RAP1B: variants seen among roughly 807,000 people sequenced by gnomAD.
RAP1B encodes RAP1B, member of RAS oncogene family.
Under a neutral mutation model 27.5 loss-of-function variants are expected in RAP1B, and 1 was observed. That is an observed-to-expected ratio of 0.04 (90% CI 0.01 to 0.17). RAP1B has a LOEUF of 0.17. Ranked by LOEUF, RAP1B falls within the 10% of genes least tolerant of loss-of-function variation. The pLI, the probability that RAP1B is intolerant of heterozygous loss-of-function variation, is 1.00. For missense variants in RAP1B, 84 were observed against 214.8 expected, an observed-to-expected ratio of 0.39 and a Z score of 3.81; for synonymous variants, 75 against 73.1, an observed-to-expected ratio of 1.03 and a Z score of -0.13.
At position 68,611,059 on chromosome 12, in the gene RAP1B, G is replaced by C; in HGVS notation, c.-27+16G>C. 1 of 276,714 alleles carries C rather than the reference G, an allele frequency of 3.6e-6. No homozygotes were observed. Among genetic ancestry groups the C allele is most frequent in the East Asian group, 5.5e-5 (1 of 18,344 alleles). 17.1% of individuals were successfully genotyped at this position (276,714 alleles called of 1,614,324 possible). A position where few individuals can be genotyped will look rare whatever the true frequency, so the allele number is the denominator to read the frequency against. On this transcript the variant is annotated intron_variant, in intron 1 of 7. Coordinates refer to ENST00000250559, the MANE Select transcript of RAP1B (RefSeq NM_001010942.3). ...AGCGTGAGAGGTTCGCAGAGTGAGT[G>C]CGTGGCCGCTGAGGGAAGCCGCGGC... is the stretch of plus-strand genomic sequence containing the variant.
chr12:68,643,025 C>T (rs1398140741), intron 1 of RAP1B: 17 of 758,146 alleles, frequency 2.2e-5, no homozygotes, highest in Non-Finnish European at 3.6e-5. Flanking sequence ...TGGCTGCCCA[C>T]GGTCCACTGC....
rs904568158 is a variant in RAP1B, at chr12:68,662,375, C to G, written c.*3126C>G. 1 of 152,014 alleles carries G rather than the reference C, an allele frequency of 6.6e-6. No homozygotes were observed. The highest frequency in any genetic ancestry group is 6.6e-5 in the Admixed American group (1 of 15,252). 9.4% of individuals were successfully genotyped at this position (152,014 alleles called of 1,614,324 possible). A position where few individuals can be genotyped will look rare whatever the true frequency, so the allele number is the denominator to read the frequency against. On this transcript the variant is annotated 3_prime_UTR_variant, in exon 8 of 8. Coordinates refer to ENST00000250559, the MANE Select transcript of RAP1B (RefSeq NM_001010942.3). ...CATTTTTCTAAAAAGTGTAAAAACC[C>G]TGTATTGACTTTCTTGTTGATTCAG... is the stretch of plus-strand genomic sequence containing the variant.
chr12:68,639,829 TC>T (rs1872872414), intron 1 of RAP1B, among the ~76,000 whole-genome samples: 1 of 151,826 alleles, frequency 6.6e-6, no homozygotes, highest in Non-Finnish European at 1.5e-5. Context: ...AATTAGCATG[TC>T]ACCCCACCAA....
At position 68,622,736 on chromosome 12, in the gene RAP1B, C is replaced by G. The variant is rs544024936; in HGVS notation, c.-27+11693C>G. Among the ~76,000 whole-genome samples the G allele has an allele frequency of 2.0e-5, 3 of 152,352 alleles. No homozygotes were observed. The East Asian group carries it at 5.8e-4, about 29-fold the overall frequency. On this transcript the variant is annotated intron_variant, in intron 1 of 7. Transcript: ENST00000250559. ...CAGGAAGATCATGTTACTTTTCCAC[C>G]ACTATCTCAAATGGTTAGCCCAATA...
At chr12:68,642,484 A>T (rs1319657676) in intron 1 of RAP1B, 1 of 852,748 alleles carries the variant, frequency 1.2e-6, no homozygotes, top group Non-Finnish European at 1.9e-6. Flanking sequence ...TGTGTAATAC[A>T]AGGGCCAGAA....
At chr12:68,639,769 G>A (rs1872868153) in intron 1 of RAP1B, among the ~76,000 whole-genome samples, 1 of 151,990 alleles carries the variant, frequency 6.6e-6, no homozygotes, top group South Asian at 2.1e-4. Context: ...TTTTGCAGAG[G>A]AAGGGGCTGG....
chr12:68,652,486 C>CT (rs1873884680), intron 4 of RAP1B, among the ~76,000 whole-genome samples: 1 of 152,056 alleles, frequency 6.6e-6, no homozygotes, highest in Admixed American at 6.5e-5. Context: ...AGTTGCTAAA[C>CT]TTTAAATCTT....
chr12:68,617,233 A>T, intron 1 of RAP1B, among the ~76,000 whole-genome samples: 1 of 152,210 alleles, frequency 6.6e-6, no homozygotes, highest in Non-Finnish European at 1.5e-5. Context: ...TTTATGCGCC[A>T]AAAGGTATGT....
chr12:68,633,224 C>T (rs1469973535), intron 1 of RAP1B, among the ~76,000 whole-genome samples: 1 of 151,976 alleles, frequency 6.6e-6, no homozygotes, highest in Non-Finnish European at 1.5e-5. Flanking sequence ...CCACTGAACC[C>T]CCCACCACCC....
At chr12:68,648,897 C>A in intron 2 of RAP1B, 116 bp downstream of exon 2, 1 of 912,340 alleles carries the variant, frequency 1.1e-6, no homozygotes, top group Non-Finnish European at 1.6e-6. Flanking sequence ...ACTTTAGAAG[C>A]AATATAATAT....
chr12:68,653,432 G>C (rs1297752849), intron 4 of RAP1B, among the ~76,000 whole-genome samples: 1 of 152,112 alleles, frequency 6.6e-6, no homozygotes, highest in Non-Finnish European at 1.5e-5. Flanking sequence ...GGATGGTCTA[G>C]ATCATGCTGA....
At chr12:68,611,111 C>G (rs11177311) in intron 1 of RAP1B, 68 bp downstream of exon 1, 1 of 183,264 alleles carries the variant, frequency 5.5e-6, no homozygotes. Flanking sequence ...CGGGCGCCGG[C>G]TGAGGGGAGC....
chr12:68,641,342 C>G (rs764935218), intron 1 of RAP1B, among the ~76,000 whole-genome samples: 2 of 152,204 alleles, frequency 1.3e-5, no homozygotes, highest in African/African-American at 4.8e-5. Context: ...AGTTATGAAG[C>G]AGCCACTGAA....
At chr12:68,636,034 A>G (rs1408405083) in intron 1 of RAP1B, among the ~76,000 whole-genome samples, 2 of 149,952 alleles carry the variant, frequency 1.3e-5, no homozygotes, top group African/African-American at 4.9e-5. Flanking sequence ...GCCCGCCACC[A>G]CATTCGAGTA....
chr12:68,614,863 T>TA (rs1592414739), intron 1 of RAP1B, among the ~76,000 whole-genome samples: 2 of 152,336 alleles, frequency 1.3e-5, no homozygotes, highest in East Asian at 3.9e-4. Context: ...ATTTGAGGTC[T>TA]TAAGTTCTTT....
At position 68,662,958 on chromosome 12, in the gene RAP1B, C is replaced by T. The variant is rs940462421; in HGVS notation, c.*3709C>T. On this transcript the variant is annotated 3_prime_UTR_variant, in exon 8 of 8. Coordinates refer to ENST00000250559, the MANE Select transcript of RAP1B (RefSeq NM_001010942.3). ...GTGAACTGTGTTCGCGCCACTGCAC[C>T]CCCACGATGGCAATAGAGTGAGACC... 7.9e-5 allele frequency: 12 copies of T among 151,934 alleles called. No homozygotes were observed. The highest frequency in any genetic ancestry group is 2.7e-4 in the African/African-American group (11 of 41,338). 9.4% of individuals were successfully genotyped at this position (151,934 alleles called of 1,614,324 possible).
chr12:68,638,780 C>A (rs1872797363), intron 1 of RAP1B, among the ~76,000 whole-genome samples: 1 of 152,074 alleles, frequency 6.6e-6, no homozygotes. Context: ...CCTGCCTCAG[C>A]CTCCTGAGCA....
intron 2 of RAP1B, 126 bp downstream of exon 2, chr12:68,648,907 T>A: frequency 1.2e-6 from 1 of 867,388 alleles, no homozygotes; most frequent in Non-Finnish European, 1.7e-6. Context: ...CAATATAATA[T>A]TTTTCTTGTA....
chr12:68,611,512 A>G (rs1870588615), intron 1 of RAP1B, among the ~76,000 whole-genome samples: 1 of 151,922 alleles, frequency 6.6e-6, no homozygotes, highest in Non-Finnish European at 1.5e-5. Flanking sequence ...GAAACCAGAA[A>G]GTTGTCCTTT....
Sources: gnomAD v4.1 joint callset for allele counts (sites outside exome capture counted in the v4.1 genomes callset) on GRCh38, gnomAD v4.1.1 for gene constraint, MANE v1.5 for transcripts, NCBI Gene and HGNC (gene_info 2026-07-23, HGNC 2026-07-21) for gene names.